The following TPP2 variants were observed in gnomAD, a reference collection of about 807,000 sequenced individuals.
TPP2 encodes tripeptidyl-peptidase 2.
TPP2 carries 34 observed loss-of-function variants against 155.9 expected under a neutral mutation model. The ratio of observed to expected loss-of-function variants is 0.22; its 90% CI spans 0.17 to 0.29. The LOEUF (loss-of-function observed/expected upper bound fraction) is 0.29. Among genes scored for constraint, TPP2 ranks in the 10% least tolerant of loss-of-function variants. The pLI is 1.00. For synonymous variants in TPP2, 510 were observed against 529.4 expected, an observed-to-expected ratio of 0.96 and a Z score of 0.50; for missense variants, 1,028 against 1,522.3, an observed-to-expected ratio of 0.68 and a Z score of 5.40.
At chr13:102,607,657 G>T (rs1470098771) in intron 2 of TPP2, 3 of 448,034 alleles carry the variant, frequency 6.7e-6, no homozygotes, top group Non-Finnish European at 1.3e-5. Flanking sequence ...CACAATCTCG[G>T]CTCACCTCGA....
intron 25 of TPP2, among the ~76,000 whole-genome samples, chr13:102,663,447 A>C (rs1884385665): frequency 6.6e-6 from 1 of 152,208 alleles, no homozygotes; most frequent in Non-Finnish European, 1.5e-5. Flanking sequence ...TGCCCAGCCC[A>C]GTTTGATTTA....
rs181738210 is a variant in TPP2, at chr13:102,662,836, T to C, written c.3144-812T>C. On this transcript the variant is annotated intron_variant, in intron 25 of 29. Transcript: ENST00000376052. Reference sequence around the variant, plus strand: ...TCCTGATACATATAATCAGGTAGAATTGGGAATTTTATTCAGCCTCCGCGT... The same window carrying C: ...TCCTGATACATATAATCAGGTAGAACTGGGAATTTTATTCAGCCTCCGCGT... 1.9e-3 allele frequency among the ~76,000 whole-genome samples: 294 copies of C among 152,246 alleles called. 1 individual carries two copies. Among genetic ancestry groups the C allele is most frequent in the African/African-American group, 6.7e-3 (280 of 41,558 alleles).
At position 102,633,931 on chromosome 13, in the gene TPP2, TC is replaced by T; in HGVS notation, c.1245-18del. The T allele has an allele frequency of 6.2e-7, 1 of 1,613,752 alleles. No homozygotes were observed. The highest frequency in any genetic ancestry group is 1.7e-5 in the Admixed American group (1 of 60,000). ...TAGCTTTCACCATCCTAAGCAAACT[TC>T]AATGGCTTTCCATTTAGTGCTGACG... On this transcript the variant is annotated intron_variant, in intron 10 of 29. Transcript: ENST00000376052.
chr13:102,610,622 G>T (rs767110446), intron 2 of TPP2, among the ~76,000 whole-genome samples: 4 of 152,168 alleles, frequency 2.6e-5, no homozygotes, highest in Non-Finnish European at 4.4e-5. Flanking sequence ...GTCAGTTTAA[G>T]ATCAACTGTT....
intron 6 of TPP2, among the ~76,000 whole-genome samples, chr13:102,626,018 C>A (rs900453630): frequency 1.3e-5 from 2 of 152,172 alleles, no homozygotes; most frequent in Non-Finnish European, 2.9e-5. Context: ...TTGTACAACT[C>A]TTTGAATTAC....
intron 15 of TPP2, 100 bp from the exon 16 acceptor site, chr13:102,640,170 A>C: frequency 1.1e-6 from 1 of 922,740 alleles, no homozygotes; most frequent in East Asian, 2.7e-5. Flanking sequence ...CCCTGTGTTT[A>C]TTTCCAATGA....
intron 6 of TPP2, 179 bp from the exon 7 acceptor site, chr13:102,626,833 C>G (rs996320652): frequency 2.4e-6 from 1 of 419,192 alleles, no homozygotes; most frequent in Non-Finnish European, 4.1e-6. Context: ...ATATAAAGCT[C>G]TTTGTCAGCT....
At chr13:102,626,890 C>T in intron 6 of TPP2, 122 bp from the exon 7 acceptor site, 2 of 1,032,336 alleles carry the variant, frequency 1.9e-6, no homozygotes, top group Non-Finnish European at 2.6e-6. Flanking sequence ...TTTTGCTCTC[C>T]ATGAACAGGG....
chr13:102,600,712 A>G (rs1879365850), intron 1 of TPP2, among the ~76,000 whole-genome samples: 1 of 152,226 alleles, frequency 6.6e-6, no homozygotes, highest in Non-Finnish European at 1.5e-5. Context: ...ATTTCCTCAT[A>G]GAGGGAAAAA....
At chr13:102,642,609 C>T (rs1457781051) in intron 16 of TPP2, among the ~76,000 whole-genome samples, 1 of 152,160 alleles carries the variant, frequency 6.6e-6, no homozygotes, top group East Asian at 1.9e-4. Flanking sequence ...CACGGCATTG[C>T]GCCTTGCTTC....
chr13:102,617,618 G>A (rs1487412435), intron 4 of TPP2, among the ~76,000 whole-genome samples: 2 of 152,178 alleles, frequency 1.3e-5, no homozygotes, highest in Admixed American at 1.3e-4. Context: ...GCTCAGGATT[G>A]CACAGCTAAG....
intron 2 of TPP2, among the ~76,000 whole-genome samples, chr13:102,613,704 T>G (rs1206179036): frequency 6.6e-6 from 1 of 152,226 alleles, no homozygotes; most frequent in African/African-American, 2.4e-5. Flanking sequence ...ATTTGATTTC[T>G]CTGCTGCTTT....
chr13:102,662,973 T>A (rs1200937365), intron 25 of TPP2, among the ~76,000 whole-genome samples: 1 of 152,106 alleles, frequency 6.6e-6, no homozygotes, highest in Non-Finnish European at 1.5e-5. Flanking sequence ...GAGACATTTT[T>A]AAATCTTTTA....
chr13:102,678,204 T>C (rs569849807), intron 29 of TPP2, 23 bp from the exon 30 acceptor site: 33 of 1,585,106 alleles, frequency 2.1e-5, no homozygotes, highest in Non-Finnish European at 2.6e-5. Flanking sequence ...TTTATAATAA[T>C]ATATTATTGT....
At chr13:102,661,736 A>G (rs1305731752) in intron 25 of TPP2, among the ~76,000 whole-genome samples, 1 of 152,152 alleles carries the variant, frequency 6.6e-6, no homozygotes, top group Non-Finnish European at 1.5e-5. Flanking sequence ...ATACAACTTC[A>G]CACTTACTAG....
intron 5 of TPP2, 45 bp from the exon 6 acceptor site, chr13:102,622,832 G>C: frequency 1.9e-6 from 3 of 1,566,220 alleles, no homozygotes; most frequent in Non-Finnish European, 2.6e-6. Context: ...TTTTAGAAAG[G>C]TAAGAAAATA....
chr13:102,634,320 C>T (rs1315838060), intron 11 of TPP2, among the ~76,000 whole-genome samples: 2 of 152,084 alleles, frequency 1.3e-5, no homozygotes, highest in Admixed American at 1.3e-4. Flanking sequence ...AGTATTTTAG[C>T]TCTGGGGCTA....
chr13:102,640,204 T>G, intron 15 of TPP2, 66 bp from the exon 16 acceptor site: 2 of 1,213,704 alleles, frequency 1.6e-6, no homozygotes, highest in Non-Finnish European at 2.3e-6. Flanking sequence ...GTTTATCCAA[T>G]GAAATCTAGA....
chr13:102,597,107 C>T lies in TPP2; in HGVS notation c.69C>T (p.Ala23=). The T allele has an allele frequency of 3.7e-6, 6 of 1,611,298 alleles. No homozygotes were observed. Among genetic ancestry groups the T allele is most frequent in the Middle Eastern group, 3.8e-4 (2 of 5,216 alleles). The stretch of plus-strand genomic sequence containing the variant: ...TCCTGCCGAAGAAGGAGACCGGAGC[C>T]GCCTCCTTCCTCTGCCGCTACCCGG... ...HGLLPKKETG[A]ASFLCRYPEY... The change falls in exon 1 of 30, where the codon GCC becomes GCT. Residue 23 remains alanine, a synonymous_variant. Coordinates refer to ENST00000376052, the MANE Select transcript of TPP2 (RefSeq NM_001330588.2).
Sources: allele counts gnomAD v4.1 joint callset (sites outside exome capture counted in the v4.1 genomes callset), GRCh38; gene constraint gnomAD v4.1.1; transcripts MANE v1.5; gene names NCBI Gene and HGNC (gene_info 2026-07-23, HGNC 2026-07-21).